TRRAP: variants seen among roughly 807,000 people sequenced by gnomAD.
The protein encoded by TRRAP is transformation/transcription domain-associated protein.
A neutral mutation model predicts 438.8 loss-of-function variants in TRRAP; 41 were observed. That is an observed-to-expected ratio of 0.09 (90% CI 0.07 to 0.12). TRRAP has a LOEUF of 0.12. TRRAP is among the 10% of genes least tolerant of loss of function. The probability of loss-of-function intolerance (pLI) is 1.00; values close to 1 mark genes in which losing one functional copy is unlikely to be tolerated. For synonymous variants in TRRAP, 1,994 were observed against 1,962.9 expected (o/e 1.02, Z -0.42); for missense variants, 3,122 against 5,055.1 (o/e 0.62, Z 11.60).
chr7:98,970,363 A>C (rs1792356980), intron 52 of TRRAP, 72 bp downstream of exon 52: 23 of 1,547,966 alleles, frequency 1.5e-5, no homozygotes, highest in Non-Finnish European at 1.8e-5. Context: ...GCAGAATCCC[A>C]GAGAGGAGGT....
Position 98,976,296 on chromosome 7 carries a change from G to A in TRRAP, c.7959+28G>A, listed in dbSNP as rs751295024. On this transcript the variant is annotated intron_variant, in intron 54 of 72. Transcript: ENST00000456197. This position sits in a 1 kb window ranked among gnomAD's most constrained non-coding sequence, Gnocchi z 4.6. ...GAGTGTATCTTTAAAATCCTGTTTTGGAAAATTGTAGTTTTAGCTTTTGGT... is the reference window on the plus strand; with the variant it reads ...GAGTGTATCTTTAAAATCCTGTTTTAGAAAATTGTAGTTTTAGCTTTTGGT... The A allele has an allele frequency of 2.0e-5, 33 of 1,611,380 alleles. No individual in the cohort carries two copies. Among genetic ancestry groups the A allele is most frequent in the Non-Finnish European group, 2.3e-5 (27 of 1,178,804 alleles).
chr7:98,997,483 C>CA (rs61132070), intron 67 of TRRAP, among the ~76,000 whole-genome samples: 5,025 of 42,620 alleles, frequency 0.12, 1,030 homozygotes, highest in Middle Eastern at 0.21. Flanking sequence ...ACTGCTGTTG[C>CA]AAAAAAAAAA....
rs1562965210 is a variant in TRRAP, at chr7:98,969,977, G to A, written c.7513-135G>A. On this transcript the variant is annotated intron_variant, in intron 51 of 72. Transcript: ENST00000456197. Reference sequence around the variant, plus strand: ...AAGCCCGTCTGGTTGGGGACAGGTGGGAAAGGGTGCTGAGCTCATACTTGG... The same window carrying A: ...AAGCCCGTCTGGTTGGGGACAGGTGAGAAAGGGTGCTGAGCTCATACTTGG... 40 of 1,030,562 alleles carry A rather than the reference G, an allele frequency of 3.9e-5. No homozygotes were observed. In the South Asian group the frequency reaches 6.1e-4, roughly 16 times the overall value. The allele number at this position is 1,030,562 out of a possible 1,614,324, so 63.8% of individuals were successfully genotyped here.
intron 56 of TRRAP, 80 bp downstream of exon 56, chr7:98,977,156 T>G: frequency 6.9e-6 from 11 of 1,584,852 alleles, no homozygotes; most frequent in Non-Finnish European, 9.5e-6. Flanking sequence ...TGTCCTCAAG[T>G]CGGAGTTCAC....
Position 99,012,378 on chromosome 7 carries a change from G to T in TRRAP, c.*23G>T, listed in dbSNP as rs1346133535. On this transcript the variant is annotated 3_prime_UTR_variant, in exon 73 of 73. Coordinates refer to ENST00000456197, the MANE Select transcript of TRRAP (RefSeq NM_001375524.1). The surrounding 1 kb of genome is among the most constrained non-coding windows in gnomAD (Gnocchi z 5.9). ...TGACTGTGGCCGCCACGGCCACCCGGAATGTGAAGGGCGCTCCGGGCTCTG... is the reference window on the plus strand; with the variant it reads ...TGACTGTGGCCGCCACGGCCACCCGTAATGTGAAGGGCGCTCCGGGCTCTG... 6.4e-7 allele frequency: 1 copy of T among 1,571,908 alleles called. No homozygotes were observed. The highest frequency in any genetic ancestry group is 2.4e-5 in the East Asian group (1 of 42,476).
intron 45 of TRRAP, 118 bp downstream of exon 45, chr7:98,959,608 A>C: frequency 1.6e-5 from 22 of 1,410,112 alleles, no homozygotes; most frequent in East Asian, 7.2e-5. Flanking sequence ...TAAACCCCAA[A>C]TCTCCTGTCC....
Position 98,922,012 on chromosome 7 carries a change from C to T in TRRAP, c.2823+59C>T. The T allele has an allele frequency of 2.5e-6, 4 of 1,604,452 alleles. No individual in the cohort carries two copies. In the African/African-American group the frequency reaches 4.0e-5, roughly 16 times the overall value. On this transcript the variant is annotated intron_variant, in intron 21 of 72. Transcript: ENST00000456197. The stretch of plus-strand genomic sequence containing the variant: ...CCTTGTGAAGATACTATGTTTCAGT[C>T]TATGTGAAATGTTAATTAGACCTGT...
Position 98,955,141 on chromosome 7 carries a change from C to G in TRRAP, c.5774C>G (p.Ala1925Gly). The stretch of plus-strand genomic sequence containing the variant: ...AAGGCTCACGCAATGGAAGCTCGAG[C>G]GATCGTCAGACAGGCGATGGCCATT... ...LLKAHAMEAR[A>G]IVRQAMAILT... The change falls in exon 41 of 73, where the codon GCG becomes GGG. Residue 1925 changes from alanine (A) to glycine (G), a missense_variant. Transcript: ENST00000456197. The G allele has an allele frequency of 6.2e-7, 1 of 1,614,194 alleles. No homozygotes were observed. The highest frequency in any genetic ancestry group is 8.5e-7 in the Non-Finnish European group (1 of 1,180,028).
rs7456230 is a variant in TRRAP, at chr7:98,900,883, T to C, written c.897+163T>C. 0.7 allele frequency among the ~76,000 whole-genome samples: 106,811 copies of C among 152,140 alleles called. 42,017 individuals are homozygous for C. The highest frequency in any genetic ancestry group is 0.88 in the South Asian group (4,255 of 4,826). ...ATCAACCTCCAAAATTCCATTGTTATATATTTGTTGTCAGTTTCTTCCCAC... is the reference window on the plus strand; with the variant it reads ...ATCAACCTCCAAAATTCCATTGTTACATATTTGTTGTCAGTTTCTTCCCAC... On this transcript the variant is annotated intron_variant, in intron 11 of 72. Transcript: ENST00000456197.
intron 58 of TRRAP, among the ~76,000 whole-genome samples, chr7:98,980,085 C>T (rs534508310): frequency 1.3e-5 from 2 of 152,168 alleles, no homozygotes; most frequent in African/African-American, 2.4e-5. Context: ...ATGTTGGAAG[C>T]TGCTGTAGTC....
chr7:98,939,438 A>G (rs1399774387), intron 30 of TRRAP, among the ~76,000 whole-genome samples: 6 of 152,222 alleles, frequency 3.9e-5, no homozygotes, highest in South Asian at 2.1e-4. Context: ...CCTCATCTAT[A>G]TGCTAGTTTC....
chr7:98,985,706 G>A (rs905586365), intron 62 of TRRAP, among the ~76,000 whole-genome samples: 7 of 152,196 alleles, frequency 4.6e-5, no homozygotes, highest in Non-Finnish European at 1.0e-4. Context: ...CACATCTTCA[G>A]TCTGTGGGGC....
chr7:98,995,749 C>A (rs1416367219), intron 67 of TRRAP, among the ~76,000 whole-genome samples: 1 of 150,854 alleles, frequency 6.6e-6, no homozygotes, highest in African/African-American at 2.4e-5. Context: ...CCATGCACCC[C>A]ATCCACTCAC....
At chr7:98,984,496 G>T (rs1404556063) in intron 61 of TRRAP, 138 bp downstream of exon 61, 1 of 1,083,196 alleles carries the variant, frequency 9.2e-7, no homozygotes, top group Non-Finnish European at 1.3e-6. Context: ...CAGTAAGGGG[G>T]AAACAGTCCT....
At chr7:98,997,305 A>G (rs1793712010) in intron 67 of TRRAP, among the ~76,000 whole-genome samples, 1 of 151,952 alleles carries the variant, frequency 6.6e-6, no homozygotes, top group South Asian at 2.1e-4. Flanking sequence ...CTCTGTCTCA[A>G]AAAAGAATAT....
At chr7:98,900,067 G>T (rs1322403960) in intron 10 of TRRAP, among the ~76,000 whole-genome samples, 2 of 152,118 alleles carry the variant, frequency 1.3e-5, no homozygotes, top group Non-Finnish European at 2.9e-5. Flanking sequence ...TCAAGACTTT[G>T]TTCTTGCTGA....
intron 33 of TRRAP, among the ~76,000 whole-genome samples, chr7:98,946,804 T>C (rs310745): frequency 2.6e-4 from 40 of 152,348 alleles, no homozygotes; most frequent in African/African-American, 9.1e-4. Context: ...CCAGTGGTGT[T>C]GCAAAGACCC....
intron 64 of TRRAP, among the ~76,000 whole-genome samples, chr7:98,991,809 G>A (rs1016324997): frequency 2.0e-5 from 3 of 152,190 alleles, no homozygotes; most frequent in Non-Finnish European, 2.9e-5. Context: ...ATTTGCTTCA[G>A]TGAGATCTGG....
intron 47 of TRRAP, among the ~76,000 whole-genome samples, chr7:98,962,929 GC>G (rs1334923183): frequency 6.6e-6 from 1 of 152,140 alleles, no homozygotes; most frequent in African/African-American, 2.4e-5. Flanking sequence ...TTATAGATGT[GC>G]CCTCAGTTTT....
Sources: allele counts gnomAD v4.1 joint callset (sites outside exome capture counted in the v4.1 genomes callset), GRCh38; gene constraint gnomAD v4.1.1; non-coding constraint Gnocchi (gnomAD v3.1); transcripts MANE v1.5; gene names NCBI Gene and HGNC (gene_info 2026-07-23, HGNC 2026-07-21).